The following LIPC variants were observed in gnomAD, a reference collection of about 807,000 sequenced individuals.
LIPC encodes hepatic triacylglycerol lipase.
Under a neutral mutation model 50.7 loss-of-function variants are expected in LIPC, and 44 were observed. The ratio of observed to expected loss-of-function variants is 0.87; its 90% CI spans 0.68 to 1.11. The LOEUF (loss-of-function observed/expected upper bound fraction) is 1.11. Among genes scored for constraint, LIPC ranks in the 50% most tolerant of loss-of-function variants. The pLI, the probability that LIPC is intolerant of heterozygous loss-of-function variation, is 0.00. For synonymous variants in LIPC, 271 were observed against 256.4 expected (o/e 1.06, Z -0.54); for missense variants, 697 against 648.2 (o/e 1.08, Z -0.82).
At chr15:58,475,477 G>C (rs770494976) in intron 1 of LIPC, among the ~76,000 whole-genome samples, 3 of 152,050 alleles carry the variant, frequency 2.0e-5, no homozygotes, top group Non-Finnish European at 4.4e-5. Context: ...ACACACTCCC[G>C]TTCTTTCAAC....
At chr15:58,512,871 C>A (rs369851307) in intron 1 of LIPC, among the ~76,000 whole-genome samples, 1 of 151,778 alleles carries the variant, frequency 6.6e-6, no homozygotes, top group East Asian at 1.9e-4. Flanking sequence ...CCTATGACAA[C>A]GAGGGTCGTT....
chr15:58,551,782 G>A (rs544969867), intron 6 of LIPC, among the ~76,000 whole-genome samples: 31 of 152,320 alleles, frequency 2.0e-4, no homozygotes, highest in Admixed American at 1.8e-3. Flanking sequence ...ATGTATTTTA[G>A]TGCAGGGTCT....
At chr15:58,447,565 T>A (rs1397454417) in intron 1 of LIPC, among the ~76,000 whole-genome samples, 1 of 152,248 alleles carries the variant, frequency 6.6e-6, no homozygotes, top group Non-Finnish European at 1.5e-5. Flanking sequence ...TTTTCTTGCA[T>A]GTGTCACTTC....
At chr15:58,475,178 G>T (rs1230133895) in intron 1 of LIPC, among the ~76,000 whole-genome samples, 4 of 152,118 alleles carry the variant, frequency 2.6e-5, no homozygotes, top group Non-Finnish European at 5.9e-5. Flanking sequence ...TGTGTCCCCT[G>T]GCTCCCCTCC....
chr15:58,557,492 C>T (rs1045537296), intron 6 of LIPC, among the ~76,000 whole-genome samples: 4 of 146,864 alleles, frequency 2.7e-5, no homozygotes, highest in Non-Finnish European at 4.5e-5. Context: ...TCACACCATT[C>T]TCCTGCCTCA....
intron 1 of LIPC, among the ~76,000 whole-genome samples, chr15:58,521,156 A>G (rs1892640573): frequency 6.6e-6 from 1 of 152,188 alleles, no homozygotes; most frequent in African/African-American, 2.4e-5. Flanking sequence ...AAAGCAGAGC[A>G]GGCCCCTGCC....
chr15:58,530,303 C>T (rs1555404391), intron 1 of LIPC, among the ~76,000 whole-genome samples: 5 of 152,212 alleles, frequency 3.3e-5, no homozygotes, highest in Non-Finnish European at 7.3e-5. Context: ...GACCCTGCTC[C>T]ATGAGGGCTG....
chr15:58,436,878 C>T (rs1382680815), intron 1 of LIPC: 3 of 456,112 alleles, frequency 6.6e-6, no homozygotes, highest in African/African-American at 4.0e-5. Context: ...AGTACATGTG[C>T]TTTTCAAGCC....
intron 1 of LIPC, among the ~76,000 whole-genome samples, chr15:58,441,880 G>A (rs1207631119): frequency 6.6e-6 from 1 of 152,192 alleles, no homozygotes; most frequent in Non-Finnish European, 1.5e-5. Flanking sequence ...TGATTTTGGA[G>A]TGGCCTCCTC....
intron 1 of LIPC, chr15:58,454,745 CA>C (rs1229353314): frequency 2.6e-5 from 4 of 152,250 alleles, no homozygotes; most frequent in Non-Finnish European, 5.9e-5. Flanking sequence ...GTGCAGCGCT[CA>C]CCCCCAGGGC....
intron 1 of LIPC, among the ~76,000 whole-genome samples, chr15:58,515,969 G>C (rs919486351): frequency 1.3e-5 from 2 of 152,076 alleles, no homozygotes; most frequent in East Asian, 3.8e-4. Flanking sequence ...TCATAAGCGC[G>C]AACACGGGGC....
At chr15:58,456,171 G>C (rs926789832) in intron 1 of LIPC, 1 of 152,414 alleles carries the variant, frequency 6.6e-6, no homozygotes, top group Non-Finnish European at 1.5e-5. Context: ...CGAGACAAGA[G>C]GGTGAGCATA....
At chr15:58,552,315 T>G (rs1272351420) in intron 6 of LIPC, among the ~76,000 whole-genome samples, 1 of 152,310 alleles carries the variant, frequency 6.6e-6, no homozygotes, top group East Asian at 1.9e-4. Context: ...CAGGGCAAAG[T>G]CACACAATTT....
At chr15:58,567,063 G>A (rs549353496) in intron 8 of LIPC, among the ~76,000 whole-genome samples, 5 of 151,694 alleles carry the variant, frequency 3.3e-5, no homozygotes, top group Admixed American at 6.6e-5. Flanking sequence ...TTAGCCGGGC[G>A]TGGTGGCGCA....
intron 1 of LIPC, among the ~76,000 whole-genome samples, chr15:58,468,818 T>C (rs1894671566): frequency 6.6e-6 from 1 of 152,176 alleles, no homozygotes; most frequent in African/African-American, 2.4e-5. Context: ...GTAATATTTT[T>C]AATTCATTAA....
intron 1 of LIPC, among the ~76,000 whole-genome samples, chr15:58,440,903 C>A (rs762907405): frequency 6.6e-6 from 1 of 151,972 alleles, no homozygotes; most frequent in Non-Finnish European, 1.5e-5. Flanking sequence ...TTGGGGTGGC[C>A]CTGGATGGGG....
chr15:58,453,742 T>C (rs139217802), intron 1 of LIPC, among the ~76,000 whole-genome samples: 1 of 147,828 alleles, frequency 6.8e-6, no homozygotes, highest in Non-Finnish European at 1.5e-5. Flanking sequence ...CTACTAAAAG[T>C]AAAAAAAAAT....
In LIPC at chr15:58,547,075, C is replaced by T. The variant is rs115422427; in HGVS notation, c.808+1100C>T. 5.4e-3 allele frequency among the ~76,000 whole-genome samples: 819 copies of T among 152,290 alleles called. 8 individuals are homozygous for T. The highest frequency in any genetic ancestry group is 0.019 in the African/African-American group (770 of 41,560). On this transcript the variant is annotated intron_variant, in intron 5 of 8. Coordinates refer to ENST00000299022, the MANE Select transcript of LIPC (RefSeq NM_000236.3). ...AGGATGGTGTATGGGCTTTATTTTC[C>T]TGGTAAACACATTTCTGACCAATCA...
At chr15:58,529,116 A>T (rs539703866) in intron 1 of LIPC, among the ~76,000 whole-genome samples, 6 of 152,350 alleles carry the variant, frequency 3.9e-5, no homozygotes, top group South Asian at 2.1e-4. Context: ...GATAAGGTCA[A>T]ATGAAGCTCA....
Sources: allele counts gnomAD v4.1 joint callset (sites outside exome capture counted in the v4.1 genomes callset), GRCh38; gene constraint gnomAD v4.1.1; transcripts MANE v1.5; gene names NCBI Gene and HGNC (gene_info 2026-07-23, HGNC 2026-07-21).